Variants in ZNF532 observed in about 807,000 individuals in gnomAD.
ZNF532 encodes the protein zinc finger protein 532.
Under a neutral mutation model 89.3 loss-of-function variants are expected in ZNF532, and 22 were observed. That is an observed-to-expected ratio of 0.25 (90% CI 0.18 to 0.35). ZNF532 has a LOEUF of 0.35. ZNF532 is among the 10% of genes least tolerant of loss of function. ZNF532 has a pLI of 1.00. For missense variants in ZNF532, 1,132 were observed against 1,643.4 expected (o/e 0.69, Z 5.38); for synonymous variants, 606 against 649.6 (o/e 0.93, Z 1.02).
chr18:58,908,143 T>C (rs186632360), intron 2 of ZNF532, among the ~76,000 whole-genome samples: 205 of 152,356 alleles, frequency 1.3e-3, no homozygotes, highest in Admixed American at 4.7e-3. Flanking sequence ...GTAGCCCCTT[T>C]CCATATCCCT....
At chr18:58,882,582 C>T (rs1400414516) in intron 2 of ZNF532, among the ~76,000 whole-genome samples, 6 of 152,204 alleles carry the variant, frequency 3.9e-5, no homozygotes, top group African/African-American at 1.4e-4. Flanking sequence ...GCTGAGACTG[C>T]AGGTGTGCAA....
rs577842596 is a variant in ZNF532, at chr18:58,882,907, A to G, written c.-18+17328A>G. On this transcript the variant is annotated intron_variant, in intron 2 of 9. Coordinates refer to ENST00000591808, the MANE Select transcript of ZNF532 (RefSeq NM_001375912.1). ...CATGTTAGCTCTGGAAAGTTCTGAGAAGCCTTGAGAAAAGAAATCAGGCTG... is the reference window on the plus strand; with the variant it reads ...CATGTTAGCTCTGGAAAGTTCTGAGGAGCCTTGAGAAAAGAAATCAGGCTG... 1.1e-3 allele frequency among the ~76,000 whole-genome samples: 166 copies of G among 152,288 alleles called. 1 individual carries two copies. Among genetic ancestry groups the G allele is most frequent in the African/African-American group, 4.0e-3 (165 of 41,568 alleles).
chr18:58,979,253 G>A, intron 8 of ZNF532, 86 bp downstream of exon 8: 1 of 933,984 alleles, frequency 1.1e-6, no homozygotes, highest in Non-Finnish European at 1.7e-6. Flanking sequence ...TTAACTTGCT[G>A]TGTGCTCCAC....
intron 4 of ZNF532, among the ~76,000 whole-genome samples, chr18:58,935,759 A>G (rs2062419389): frequency 6.6e-6 from 1 of 152,012 alleles, no homozygotes; most frequent in African/African-American, 2.4e-5. Context: ...GTCTTTGTTA[A>G]TAGAGGTATT....
At chr18:58,880,175 T>C (rs1357610470) in intron 2 of ZNF532, among the ~76,000 whole-genome samples, 2 of 152,342 alleles carry the variant, frequency 1.3e-5, no homozygotes, top group South Asian at 4.1e-4. Context: ...TGAGCATAGC[T>C]GTCTGGCTCG....
intron 2 of ZNF532, among the ~76,000 whole-genome samples, chr18:58,907,563 C>T (rs1471860675): frequency 6.6e-6 from 1 of 151,772 alleles, no homozygotes. Flanking sequence ...TGGTGCGATC[C>T]CGGCGGAGAA....
At chr18:58,911,313 A>G (rs971995364) in intron 2 of ZNF532, among the ~76,000 whole-genome samples, 6 of 152,246 alleles carry the variant, frequency 3.9e-5, no homozygotes, top group Non-Finnish European at 5.9e-5. Flanking sequence ...AGGTACAGGC[A>G]AGATTTGAAG....
At chr18:58,934,643 T>G (rs1457443958) in intron 4 of ZNF532, 29 bp downstream of exon 4, 2 of 1,597,052 alleles carry the variant, frequency 1.3e-6, no homozygotes, top group Non-Finnish European at 1.7e-6. Flanking sequence ...TATGTGCAAG[T>G]AAAACTCGTT....
chr18:58,884,949 C>G (rs2058180648), intron 2 of ZNF532, among the ~76,000 whole-genome samples: 1 of 150,398 alleles, frequency 6.6e-6, no homozygotes, highest in Admixed American at 6.6e-5. Flanking sequence ...TATAAACTCA[C>G]TGATGAATCA....
At chr18:58,922,491 T>C (rs1334541347) in intron 3 of ZNF532, among the ~76,000 whole-genome samples, 2 of 152,166 alleles carry the variant, frequency 1.3e-5, no homozygotes, top group Non-Finnish European at 2.9e-5. Flanking sequence ...AGTAAAATGC[T>C]CAAAAAATAG....
intron 6 of ZNF532, among the ~76,000 whole-genome samples, chr18:58,950,575 C>T (rs878890354): frequency 2.0e-5 from 3 of 152,000 alleles, no homozygotes; most frequent in Admixed American, 2.0e-4. Flanking sequence ...GGAAGTGGAA[C>T]AGGCACAAGT....
chr18:58,899,004 C>T (rs977851897), intron 2 of ZNF532, among the ~76,000 whole-genome samples: 5 of 152,250 alleles, frequency 3.3e-5, no homozygotes, highest in African/African-American at 7.2e-5. Flanking sequence ...TTGTCTACCA[C>T]GCAGGCCGGG....
rs768011790 is a variant in ZNF532 at position 58,940,370 on chromosome 18, C to CCAGG, written c.2705+750_2705+751insAGGC. The CCAGG allele has an allele frequency of 3.9e-5, 6 of 152,196 alleles. No homozygotes were observed. In the South Asian group the frequency reaches 6.2e-4, roughly 16 times the overall value. 9.4% of individuals were successfully genotyped at this position (152,196 alleles called of 1,614,324 possible). A position where few individuals can be genotyped will look rare whatever the true frequency, so the allele number is the denominator to read the frequency against. On this transcript the variant is annotated intron_variant, in intron 5 of 9. Transcript: ENST00000591808. ...ATTTAACTTCATAGCCAGTATAAGTCCCTGATTAGTAAATTTTTTTTTGCC... is the reference window on the plus strand; with the variant it reads ...ATTTAACTTCATAGCCAGTATAAGTCCAGGCCTGATTAGTAAATTTTTTTTTGCC...
At chr18:58,945,980 C>T (rs1016334804) in intron 5 of ZNF532, among the ~76,000 whole-genome samples, 30 of 152,116 alleles carry the variant, frequency 2.0e-4, no homozygotes, top group Admixed American at 1.5e-3. Context: ...CCGCCTGCCT[C>T]GGCCTCCCAA....
At chr18:58,957,003 A>G (rs1253968827) in intron 7 of ZNF532, among the ~76,000 whole-genome samples, 1 of 152,218 alleles carries the variant, frequency 6.6e-6, no homozygotes, top group Non-Finnish European at 1.5e-5. Context: ...TTCTTGAATT[A>G]ATAGACCAAG....
chr18:58,875,799 G>C (rs1447534191), intron 2 of ZNF532, among the ~76,000 whole-genome samples: 3 of 152,020 alleles, frequency 2.0e-5, no homozygotes, highest in Non-Finnish European at 2.9e-5. Flanking sequence ...ATTCTTTTCT[G>C]TTTCTACCAC....
At position 58,951,646 on chromosome 18, in the gene ZNF532, G is replaced by GTTTTT. The variant is rs3039758; in HGVS notation, c.2869-1855_2869-1851dup. On this transcript the variant is annotated intron_variant, in intron 6 of 9. Transcript: ENST00000591808. ...CAATCACCTCAGCCCTCGCCCTGTT[G>GTTTTT]TTTTTTTTTTTTTTTTTTTTTGAGA... Among the ~76,000 whole-genome samples the GTTTTT allele has an allele frequency of 1.2e-3, 88 of 72,540 alleles. 2 individuals are homozygous for GTTTTT. Among genetic ancestry groups the GTTTTT allele is most frequent in the Non-Finnish European group, 1.6e-3 (67 of 42,420 alleles). The allele number at this position is 72,540 out of a possible 152,430, so 47.6% of individuals were successfully genotyped here.
At chr18:58,952,205 C>A (rs375936170) in intron 6 of ZNF532, among the ~76,000 whole-genome samples, 1 of 152,174 alleles carries the variant, frequency 6.6e-6, no homozygotes, top group African/African-American at 2.4e-5. Flanking sequence ...GTGTGAGTCT[C>A]TGTGACCCAG....
chr18:58,868,358 T>A (rs2056667874), intron 2 of ZNF532, among the ~76,000 whole-genome samples: 2 of 152,212 alleles, frequency 1.3e-5, no homozygotes, highest in South Asian at 4.1e-4. Flanking sequence ...ACAGGAAAAT[T>A]TACTCTGTGG....
Sources: gnomAD v4.1 joint callset for allele counts (sites outside exome capture counted in the v4.1 genomes callset) on GRCh38, gnomAD v4.1.1 for gene constraint, MANE v1.5 for transcripts, NCBI Gene and HGNC (gene_info 2026-07-23, HGNC 2026-07-21) for gene names.